FBXO25: variants seen among roughly 807,000 people sequenced by gnomAD.
The protein encoded by FBXO25 is F-box only protein 25.
In FBXO25, 45 loss-of-function variants were observed where a neutral mutation model predicts 51.9. The ratio of observed to expected loss-of-function variants is 0.87; its 90% CI spans 0.68 to 1.11. The LOEUF is 1.11. Ranked by LOEUF, FBXO25 falls within the 50% of genes most tolerant of loss-of-function variation. The pLI, the probability that FBXO25 is intolerant of heterozygous loss-of-function variation, is 0.00. For synonymous variants in FBXO25, 199 were observed against 151.0 expected, an observed-to-expected ratio of 1.32 and a Z score of -2.33; for missense variants, 507 against 428.5, an observed-to-expected ratio of 1.18 and a Z score of -1.62.
At chr8:462,363 TTATC>T (rs1473494961) in intron 8 of FBXO25, among the ~76,000 whole-genome samples, 2 of 152,248 alleles carry the variant, frequency 1.3e-5, no homozygotes, top group African/African-American at 2.4e-5. Context: ...TAAGTGTTCT[TTATC>T]TATTCTAGAT....
chr8:444,396 G>A (rs186657647), intron 5 of FBXO25, among the ~76,000 whole-genome samples: 2 of 152,242 alleles, frequency 1.3e-5, no homozygotes, highest in South Asian at 2.1e-4. Flanking sequence ...AGTGGACCTC[G>A]AATTTCAAAT....
At position 461,501 on chromosome 8, in the gene FBXO25, A is replaced by C. The variant is rs184125513; in HGVS notation, c.844-1506A>C. Among the ~76,000 whole-genome samples, 495 of 152,272 alleles carry C rather than the reference A, an allele frequency of 3.3e-3. 3 individuals carry two copies. The highest frequency in any genetic ancestry group is 5.0e-3 in the Non-Finnish European group (337 of 68,016). ...CTTGTGAGACTTATTCACTATCACA[A>C]AAACAGCATGGGAAAGACTTGCCCC... On this transcript the variant is annotated intron_variant, in intron 8 of 9. Coordinates refer to ENST00000350302, the MANE Select transcript of FBXO25 (RefSeq NM_183420.2).
chr8:435,162 C>T (rs1391787854), intron 4 of FBXO25, among the ~76,000 whole-genome samples: 1 of 152,184 alleles, frequency 6.6e-6, no homozygotes, highest in African/African-American at 2.4e-5. Flanking sequence ...TCGGGCAGTG[C>T]ATGCCTCCCC....
chr8:450,101 T>C lies in FBXO25; in HGVS notation c.475+18T>C. ...TCAAAAGGGTAAGATGATCACTGTA[T>C]TTTTAATACTCTAAATCTTAATTAG... On this transcript the variant is annotated intron_variant, in intron 6 of 9. Transcript: ENST00000350302. The C allele has an allele frequency of 6.5e-7, 1 of 1,537,162 alleles. No individual in the cohort carries two copies. Among genetic ancestry groups the C allele is most frequent in the Non-Finnish European group, 8.9e-7 (1 of 1,118,420 alleles).
Position 430,110 on chromosome 8 carries a change from T to C in FBXO25, c.135-1231T>C, listed in dbSNP as rs1467145822. Among the ~76,000 whole-genome samples, 4 of 152,356 alleles carry C rather than the reference T, an allele frequency of 2.6e-5. 1 individual carries two copies. In the South Asian group the frequency reaches 8.3e-4, roughly 32 times the overall value. On this transcript the variant is annotated intron_variant, in intron 2 of 9. Coordinates refer to ENST00000350302, the MANE Select transcript of FBXO25 (RefSeq NM_183420.2). ...TCAGCAGTCCTGTCTCCTTCCATAT[T>C]CTGTCTTTATTTCTGCGACAGTATT...
Position 468,782 on chromosome 8 carries a change from T to C in FBXO25, c.1055T>C (p.Phe352Ser). 1 of 1,614,018 alleles carries C rather than the reference T, an allele frequency of 6.2e-7. No homozygotes were observed. The highest frequency in any genetic ancestry group is 8.5e-7 in the Non-Finnish European group (1 of 1,179,988). ...TTCACGCCTGTGTCTCCGCAGCACTTCATCGACCTCTTCAAGTTTTAAGGG... is the reference window on the plus strand; with the variant it reads ...TTCACGCCTGTGTCTCCGCAGCACTCCATCGACCTCTTCAAGTTTTAAGGG... ...SCFTPVSPQH[F>S]IDLFKF The change falls in exon 10 of 10, where the codon TTC becomes TCC. Residue 352 changes from phenylalanine to serine, a missense_variant. By Grantham distance (155) the Phe-to-Ser change is radical. Coordinates refer to ENST00000350302, the MANE Select transcript of FBXO25 (RefSeq NM_183420.2).
At chr8:416,440 A>G (rs188503351) in intron 2 of FBXO25, among the ~76,000 whole-genome samples, 1 of 152,372 alleles carries the variant, frequency 6.6e-6, no homozygotes, top group African/African-American at 2.4e-5. Flanking sequence ...CACCTGAGAT[A>G]TTCCGAACAG....
At chr8:448,720 G>A (rs1283642181) in intron 5 of FBXO25, among the ~76,000 whole-genome samples, 3 of 152,176 alleles carry the variant, frequency 2.0e-5, no homozygotes, top group Non-Finnish European at 4.4e-5. Context: ...TTTGTTGACT[G>A]TCTCACCTGT....
chr8:411,673 A>G (rs1448730761), intron 1 of FBXO25, among the ~76,000 whole-genome samples: 1 of 152,312 alleles, frequency 6.6e-6, no homozygotes, highest in African/African-American at 2.4e-5. Context: ...GGAGGAAAAC[A>G]GATGATAAAC....
rs536069819 is a variant in FBXO25 at position 432,112 on chromosome 8, A to G, written c.238+668A>G. 3.9e-5 allele frequency among the ~76,000 whole-genome samples: 6 copies of G among 152,374 alleles called. No homozygotes were observed. The East Asian group carries it at 1.2e-3, about 29-fold the overall frequency. ...AAACAGTTATAGCAAGATGGCCACC[A>G]TCACTGCTCTTGCACTTTGGGGCCA... On this transcript the variant is annotated intron_variant, in intron 3 of 9. Transcript: ENST00000350302.
At chr8:458,988 C>A (rs139633069) in intron 8 of FBXO25, among the ~76,000 whole-genome samples, 53 of 152,302 alleles carry the variant, frequency 3.5e-4, no homozygotes, top group Non-Finnish European at 6.5e-4. Flanking sequence ...CAGCCCCTCC[C>A]CCCTGCCTTG....
At chr8:467,280 G>A (rs1800230391) in intron 9 of FBXO25, among the ~76,000 whole-genome samples, 1 of 152,208 alleles carries the variant, frequency 6.6e-6, no homozygotes, top group South Asian at 2.1e-4. Flanking sequence ...TTGACTTAAT[G>A]TGCATTACTG....
chr8:456,907 CG>C (rs1317106407), intron 7 of FBXO25, among the ~76,000 whole-genome samples: 1 of 152,126 alleles, frequency 6.6e-6, no homozygotes, highest in East Asian at 1.9e-4. Context: ...TGTCAAGGCA[CG>C]GGTGCCCCAG....
In FBXO25 at chr8:475,176, T is replaced by G. The variant is rs1800604860; in HGVS notation, c.*6372T>G. On this transcript the variant is annotated 3_prime_UTR_variant, in exon 10 of 10. Coordinates refer to ENST00000350302, the MANE Select transcript of FBXO25 (RefSeq NM_183420.2). Reference sequence around the variant, plus strand: ...CTAGCTTCATGTGGATGTCCACTTGTCTAGCACCATTTGTTGAAAAGACTG... The same window carrying G: ...CTAGCTTCATGTGGATGTCCACTTGGCTAGCACCATTTGTTGAAAAGACTG... The G allele has an allele frequency of 3.0e-6, 1 of 334,878 alleles. No homozygotes were observed. Among genetic ancestry groups the G allele is most frequent in the African/African-American group, 2.2e-5 (1 of 45,900 alleles). The allele number at this position is 334,878 out of a possible 1,614,324, so 20.7% of individuals were successfully genotyped here.
At position 474,635 on chromosome 8, in the gene FBXO25, C is replaced by T. The variant is rs566799717; in HGVS notation, c.*5831C>T. 1 of 430,840 alleles carries T rather than the reference C, an allele frequency of 2.3e-6. No individual in the cohort carries two copies. Among genetic ancestry groups the T allele is most frequent in the Non-Finnish European group, 4.6e-6 (1 of 217,366 alleles). 26.7% of individuals were successfully genotyped at this position (430,840 alleles called of 1,614,324 possible). ...TGCATTTCCGTAATGACTGGTGATGCTGAGTATCTGTTTGTTGGCCGTTTA... is the reference window on the plus strand; with the variant it reads ...TGCATTTCCGTAATGACTGGTGATGTTGAGTATCTGTTTGTTGGCCGTTTA... On this transcript the variant is annotated 3_prime_UTR_variant, in exon 10 of 10. Coordinates refer to ENST00000350302, the MANE Select transcript of FBXO25 (RefSeq NM_183420.2).
intron 8 of FBXO25, among the ~76,000 whole-genome samples, chr8:459,836 G>C (rs1246748981): frequency 6.6e-6 from 1 of 152,232 alleles, no homozygotes; most frequent in Non-Finnish European, 1.5e-5. Context: ...CAGAACCTGG[G>C]GGGAGCTGGA....
chr8:456,761 T>G (rs1417260019), intron 7 of FBXO25, among the ~76,000 whole-genome samples: 1 of 152,080 alleles, frequency 6.6e-6, no homozygotes. Context: ...TGGCTTGGAG[T>G]GCATCACTGG....
chr8:414,270 G>A (rs2117434116), intron 2 of FBXO25, among the ~76,000 whole-genome samples: 1 of 152,268 alleles, frequency 6.6e-6, no homozygotes, highest in African/African-American at 2.4e-5. Context: ...TTGTAATTAT[G>A]CTGTTGGTAT....
In FBXO25 at chr8:413,144, G is replaced by A. The variant is rs1341768961; in HGVS notation, c.65G>A (p.Trp22Ter). 3.3e-5 allele frequency: 53 copies of A among 1,611,012 alleles called. No homozygotes were observed. The highest frequency in any genetic ancestry group is 4.2e-5 in the Non-Finnish European group (50 of 1,178,594). The part of the protein sequence containing the change: ...GWSWIKTEDG[W>*]KRCESCSQKL... ...AGTTGGATTAAGACAGAAGATGGCT[G>A]GAAGAGATGTGAATCTTGTAGTCAG... The change falls in exon 2 of 10, where the codon TGG (tryptophan) becomes TAG (stop). Residue 22 changes from tryptophan to a stop codon, truncating the protein, a stop_gained. Transcript: ENST00000350302. LOFTEE classifies it high-confidence loss of function.
Sources: allele counts gnomAD v4.1 joint callset (sites outside exome capture counted in the v4.1 genomes callset), GRCh38; gene constraint gnomAD v4.1.1; transcripts MANE v1.5; gene names NCBI Gene and HGNC (gene_info 2026-07-23, HGNC 2026-07-21).